The following HACE1 variants were observed in gnomAD, a reference collection of about 807,000 sequenced individuals.
HACE1 encodes HECT domain and ankyrin repeat containing E3 ubiquitin protein ligase 1.
In HACE1, 73 loss-of-function variants were observed where a neutral mutation model predicts 118.4. The ratio of observed to expected loss-of-function variants is 0.62; its 90% CI spans 0.51 to 0.75. HACE1 has a LOEUF of 0.75. HACE1 is among the 30% of genes least tolerant of loss of function. The pLI is 0.00. For synonymous variants in HACE1, 368 were observed against 374.8 expected (o/e 0.98, Z 0.21); for missense variants, 749 against 1,102.2 (o/e 0.68, Z 4.54).
chr6:104,786,697 C>G (rs1422224703), intron 11 of HACE1: 1 of 150,616 alleles, frequency 6.6e-6, no homozygotes, highest in Non-Finnish European at 1.5e-5. Context: ...ATAAGTGGTA[C>G]AGTGGTTAAA....
Position 104,729,565 on chromosome 6 carries a change from G to A in HACE1, c.*97C>T. 1.3e-6 allele frequency: 1 copy of A among 757,784 alleles called. No homozygotes were observed. The highest frequency in any genetic ancestry group is 2.4e-6 in the Non-Finnish European group (1 of 410,498). 46.9% of individuals were successfully genotyped at this position (757,784 alleles called of 1,614,324 possible). On this transcript the variant is annotated 3_prime_UTR_variant, in exon 24 of 24. Transcript: ENST00000262903. ...AATTGGAAGCATCAGCCCTGCCTATGGGTTGCATTTAGGCTGCTTTTTTGT... is the reference window on the plus strand; with the variant it reads ...AATTGGAAGCATCAGCCCTGCCTATAGGTTGCATTTAGGCTGCTTTTTTGT...
rs192233422 is a variant in HACE1, at chr6:104,737,772, G to A, written c.2513+6388C>T. On this transcript the variant is annotated intron_variant, in intron 22 of 23. Coordinates refer to ENST00000262903, the MANE Select transcript of HACE1 (RefSeq NM_020771.4). ...GGGGAGGGGCGCCCGCCATTTTCCAGGCTTGATTAGGTAAACAAAGCAGCG... is the reference window on the plus strand; with the variant it reads ...GGGGAGGGGCGCCCGCCATTTTCCAAGCTTGATTAGGTAAACAAAGCAGCG... Among the ~76,000 whole-genome samples the A allele has an allele frequency of 4.6e-5, 7 of 152,344 alleles. No individual in the cohort carries two copies. In the East Asian group the frequency reaches 1.4e-3, roughly 29 times the overall value.
At chr6:104,832,518 G>A (rs563283934) in intron 6 of HACE1, among the ~76,000 whole-genome samples, 23 of 151,878 alleles carry the variant, frequency 1.5e-4, no homozygotes, top group South Asian at 4.2e-4. Flanking sequence ...TTCAGCCTCC[G>A]GAACAGCTGG....
At chr6:104,837,045 A>G (rs1023205120) in intron 5 of HACE1, among the ~76,000 whole-genome samples, 11 of 152,204 alleles carry the variant, frequency 7.2e-5, no homozygotes, top group Non-Finnish European at 1.5e-4. Context: ...AAAAGACTCA[A>G]TCAACACAGT....
intron 6 of HACE1, among the ~76,000 whole-genome samples, chr6:104,825,902 T>C (rs959580353): frequency 2.6e-5 from 4 of 152,236 alleles, no homozygotes; most frequent in Non-Finnish European, 1.5e-5. Flanking sequence ...CAAAAATCTA[T>C]ACCCATTATG....
intron 19 of HACE1, among the ~76,000 whole-genome samples, chr6:104,769,035 T>G (rs748381389): frequency 6.0e-5 from 9 of 150,810 alleles, no homozygotes; most frequent in Non-Finnish European, 1.2e-4. Context: ...CTCATACACA[T>G]TTTTTTTTCT....
chr6:104,853,635 T>C (rs1050611167), intron 1 of HACE1, among the ~76,000 whole-genome samples: 1 of 152,156 alleles, frequency 6.6e-6, no homozygotes, highest in Non-Finnish European at 1.5e-5. Flanking sequence ...TCAAAAATAC[T>C]GACTAATTAC....
chr6:104,769,077 C>T (rs1780342833), intron 19 of HACE1, among the ~76,000 whole-genome samples: 1 of 152,012 alleles, frequency 6.6e-6, no homozygotes, highest in African/African-American at 2.4e-5. Flanking sequence ...CTCTGTCACT[C>T]AGGCTAGAGG....
At chr6:104,764,220 G>C (rs1353797450) in intron 19 of HACE1, among the ~76,000 whole-genome samples, 3 of 152,078 alleles carry the variant, frequency 2.0e-5, no homozygotes, top group Non-Finnish European at 4.4e-5. Context: ...TGGGATTACA[G>C]GCACGCACTA....
At chr6:104,795,380 T>C (rs779586844) in intron 10 of HACE1, among the ~76,000 whole-genome samples, 199 bp downstream of exon 10, 51 of 152,240 alleles carry the variant, frequency 3.3e-4, no homozygotes, top group Non-Finnish European at 4.0e-4. Context: ...TGCTCTATTT[T>C]TAGTCTCTTT....
chr6:104,785,591 T>C (rs1407102610), intron 11 of HACE1: 1 of 363,588 alleles, frequency 2.8e-6, no homozygotes, highest in African/African-American at 2.1e-5. Context: ...TAACAAAAAA[T>C]TCACAATCTT....
intron 17 of HACE1, among the ~76,000 whole-genome samples, chr6:104,775,641 A>G (rs1349258618): frequency 2.0e-5 from 3 of 152,232 alleles, no homozygotes; most frequent in Non-Finnish European, 2.9e-5. Flanking sequence ...TCACAAAGAC[A>G]CCAAATTCAC....
intron 6 of HACE1, among the ~76,000 whole-genome samples, chr6:104,832,208 T>C (rs1188133182): frequency 1.3e-5 from 2 of 152,116 alleles, no homozygotes; most frequent in Non-Finnish European, 2.9e-5. Flanking sequence ...ATATGAAGTT[T>C]TATTTGCTAA....
chr6:104,761,839 A>G (rs1354279206), intron 19 of HACE1, among the ~76,000 whole-genome samples: 3 of 142,482 alleles, frequency 2.1e-5, no homozygotes, highest in Non-Finnish European at 4.4e-5. Context: ...AAAGAACTTA[A>G]ACAAATTTAC....
chr6:104,857,718 G>C (rs930104427), intron 1 of HACE1, among the ~76,000 whole-genome samples: 7 of 151,586 alleles, frequency 4.6e-5, no homozygotes, highest in African/African-American at 1.5e-4. Flanking sequence ...AGCACTTTGG[G>C]AGGCCGAGGC....
In HACE1 at chr6:104,855,430, G is replaced by A. The variant is rs560666535; in HGVS notation, c.77-3059C>T. Among the ~76,000 whole-genome samples, 653 of 151,646 alleles carry A rather than the reference G, an allele frequency of 4.3e-3. 4 individuals are homozygous for A. Among genetic ancestry groups the A allele is most frequent in the African/African-American group, 0.015 (611 of 41,308 alleles). On this transcript the variant is annotated intron_variant, in intron 1 of 23. Coordinates refer to ENST00000262903, the MANE Select transcript of HACE1 (RefSeq NM_020771.4). ...TGCACTCTAGCCTGGGCAACAGAGC[G>A]AGACTCCATCTCGGAAAAAAAAATA...
intron 5 of HACE1, among the ~76,000 whole-genome samples, chr6:104,835,525 C>G (rs562178288): frequency 1.3e-5 from 2 of 151,952 alleles, no homozygotes; most frequent in East Asian, 3.9e-4. Context: ...TTGAGGAAGT[C>G]TCCCTAAAAG....
chr6:104,735,583 A>T (rs1050421602), intron 22 of HACE1, among the ~76,000 whole-genome samples: 1 of 152,074 alleles, frequency 6.6e-6, no homozygotes, highest in African/African-American at 2.4e-5. Context: ...GTGAGCCGAG[A>T]TGGCGCCAGT....
chr6:104,829,293 T>C (rs1312376422), intron 6 of HACE1, among the ~76,000 whole-genome samples: 1 of 152,110 alleles, frequency 6.6e-6, no homozygotes, highest in Non-Finnish European at 1.5e-5. Flanking sequence ...CAGTAACCTT[T>C]ATCCTATAAC....
Sources: allele counts gnomAD v4.1 joint callset (sites outside exome capture counted in the v4.1 genomes callset), GRCh38; gene constraint gnomAD v4.1.1; transcripts MANE v1.5; gene names NCBI Gene and HGNC (gene_info 2026-07-23, HGNC 2026-07-21).